Variants in MYO16 observed in about 807,000 individuals in gnomAD.
The protein encoded by MYO16 is myosin XVI.
Under a neutral mutation model 205.3 loss-of-function variants are expected in MYO16, and 94 were observed. The observed-to-expected ratio is 0.46, with a 90% CI of 0.39 to 0.54. The LOEUF (loss-of-function observed/expected upper bound fraction) is 0.54, where lower values mean the gene tolerates loss of function less well. Among genes scored for constraint, MYO16 ranks in the 20% least tolerant of loss-of-function variants. The pLI is 0.00. For missense variants in MYO16, 2,315 were observed against 2,387.5 expected (o/e 0.97, Z 0.63); for synonymous variants, 988 against 954.0 (o/e 1.04, Z -0.66).
intron 8 of MYO16, among the ~76,000 whole-genome samples, chr13:108,821,046 AT>A (rs1190902874): frequency 6.6e-6 from 1 of 151,764 alleles, no homozygotes; most frequent in Non-Finnish European, 1.5e-5. Context: ...ATTCATAATT[AT>A]TTTTGCAATA....
intron 27 of MYO16, among the ~76,000 whole-genome samples, chr13:109,069,591 G>T (rs2391732): frequency 1 from 151,958 of 152,080 alleles, 75,918 homozygotes; most frequent in Middle Eastern, 1. Flanking sequence ...GTTGTAGAGG[G>T]GCTCTACACT....
Position 108,964,767 on chromosome 13 carries a change from T to G in MYO16, c.2234T>G (p.Met745Arg), listed in dbSNP as rs1485963784. Residue 745 changes from methionine (M) to arginine (R), a missense_variant, in exon 20 of 35, where the codon ATG becomes AGG. Coordinates refer to ENST00000457511, the MANE Select transcript of MYO16 (RefSeq NM_001198950.3). ...TTTCTTTCTACCATTTTAGGGGATA[T>G]GATAATACGACGACATACCATACAG... ...TTDIQYFKGD[M>R]IIRRHTIQIA... 1 of 1,614,044 alleles carries G rather than the reference T, an allele frequency of 6.2e-7. No homozygotes were observed. The highest frequency in any genetic ancestry group is 8.5e-7 in the Non-Finnish European group (1 of 1,179,954).
chr13:108,783,941 G>T (rs9521049), intron 4 of MYO16, among the ~76,000 whole-genome samples: 20 of 151,998 alleles, frequency 1.3e-4, no homozygotes, highest in Non-Finnish European at 2.6e-4. Context: ...CCAATACAGC[G>T]CCTGTACAGT....
In MYO16 at chr13:108,712,898, G is replaced by A; in HGVS notation, c.363+167G>A. The stretch of plus-strand genomic sequence containing the variant: ...TAAGCTGCAATTATTATTAATTACT[G>A]TATTGAAGTTTGTAAATAATCTAGA... On this transcript the variant is annotated intron_variant, in intron 3 of 34. Transcript: ENST00000457511. Among the ~76,000 whole-genome samples the A allele has an allele frequency of 2.6e-5, 4 of 152,262 alleles. No homozygotes were observed. In the South Asian group the frequency reaches 8.3e-4, roughly 32 times the overall value.
At chr13:109,018,609 C>A (rs1023346994) in intron 22 of MYO16, among the ~76,000 whole-genome samples, 1 of 152,212 alleles carries the variant, frequency 6.6e-6, no homozygotes, top group Non-Finnish European at 1.5e-5. Context: ...GCTCTGTAGG[C>A]ATTGGATCCG....
chr13:108,828,671 A>T (rs1168624800), intron 9 of MYO16, among the ~76,000 whole-genome samples: 1 of 152,158 alleles, frequency 6.6e-6, no homozygotes, highest in African/African-American at 2.4e-5. Context: ...AAGACCAACC[A>T]TGTGATTAAA....
chr13:108,553,573 C>A, the MYO16 span, among the ~76,000 whole-genome samples: 1 of 152,144 alleles, frequency 6.6e-6, no homozygotes, highest in Non-Finnish European at 1.5e-5. Flanking sequence ...ACACTGGGAA[C>A]AGCTTTGAGT....
chr13:108,529,016 C>T, the MYO16 span, among the ~76,000 whole-genome samples: 6 of 152,010 alleles, frequency 3.9e-5, no homozygotes, highest in Non-Finnish European at 8.8e-5. Flanking sequence ...TCATCTCTCT[C>T]TTTACATTTC....
At position 108,727,578 on chromosome 13, in the gene MYO16, G is replaced by A. The variant is rs773259519; in HGVS notation, c.502G>A (p.Val168Ile). The change falls in exon 4 of 35, where the codon GTA (valine) becomes ATA (isoleucine). Residue 168 changes from valine (V) to isoleucine (I), a missense_variant. Coordinates refer to ENST00000457511, the MANE Select transcript of MYO16 (RefSeq NM_001198950.3). ...TAACCCTGATATTGTCCTGCTTCTT[G>A]TATTAGTAAGTAAAGCAATTCAGTT... ...CDNPDIVLLL[V>I]LAGANVLLQD... 1.2e-6 allele frequency: 2 copies of A among 1,609,458 alleles called. No individual in the cohort carries two copies. Among genetic ancestry groups the A allele is most frequent in the Admixed American group, 1.7e-5 (1 of 58,832 alleles).
At chr13:108,934,528 T>A (rs780333027) in intron 16 of MYO16, among the ~76,000 whole-genome samples, 3 of 152,204 alleles carry the variant, frequency 2.0e-5, no homozygotes, top group Non-Finnish European at 4.4e-5. Context: ...GTAAATATAT[T>A]CTTCCATTCT....
intron 20 of MYO16, among the ~76,000 whole-genome samples, chr13:108,982,230 C>A (rs1411729357): frequency 6.6e-6 from 1 of 152,204 alleles, no homozygotes; most frequent in Non-Finnish European, 1.5e-5. Context: ...GTAGATTATA[C>A]CTGCTCTTGC....
chr13:108,961,905 CTTG>C (rs769791517), intron 18 of MYO16, among the ~76,000 whole-genome samples: 38 of 152,294 alleles, frequency 2.5e-4, no homozygotes, highest in Admixed American at 7.2e-4. Context: ...TTAGCACATA[CTTG>C]TTGTTTATTT....
At chr13:109,117,390 G>A (rs1359214296) in intron 28 of MYO16, among the ~76,000 whole-genome samples, 1 of 146,482 alleles carries the variant, frequency 6.8e-6, no homozygotes, top group Middle Eastern at 3.3e-3. Flanking sequence ...ATATGCGTGT[G>A]TATATATGTA....
At chr13:109,101,998 A>G (rs1888982359) in intron 28 of MYO16, 1 of 152,240 alleles carries the variant, frequency 6.6e-6, no homozygotes, top group Non-Finnish European at 1.5e-5. Flanking sequence ...TCATCTGTCT[A>G]TGACAAAGAA....
chr13:109,173,005 T>C (rs1339833222), intron 33 of MYO16, among the ~76,000 whole-genome samples: 1 of 152,234 alleles, frequency 6.6e-6, no homozygotes, highest in Non-Finnish European at 1.5e-5. Context: ...CATTACAATT[T>C]GGAATCTCTG....
the MYO16 span, among the ~76,000 whole-genome samples, chr13:108,543,674 C>T: frequency 6.7e-6 from 1 of 149,124 alleles, no homozygotes; most frequent in East Asian, 1.9e-4. Context: ...GAAAAAAATC[C>T]CAGAATATTT....
intron 16 of MYO16, among the ~76,000 whole-genome samples, chr13:108,938,401 G>T (rs1882581584): frequency 6.6e-6 from 1 of 152,226 alleles, no homozygotes; most frequent in African/African-American, 2.4e-5. Context: ...TGGGGGTCAG[G>T]AGCCAGGAAG....
chr13:108,600,368 A>C (rs1878718926), intron 1 of MYO16, among the ~76,000 whole-genome samples: 1 of 152,184 alleles, frequency 6.6e-6, no homozygotes, highest in Non-Finnish European at 1.5e-5. Flanking sequence ...CCTACTACAT[A>C]GAGCTGTGAG....
At chr13:109,174,975 C>T (rs1594159462) in intron 33 of MYO16, among the ~76,000 whole-genome samples, 1 of 151,722 alleles carries the variant, frequency 6.6e-6, no homozygotes, top group Middle Eastern at 3.4e-3. Context: ...TGGTCTTGAT[C>T]TGCTGACCTC....
Sources: gnomAD v4.1 joint callset for allele counts (sites outside exome capture counted in the v4.1 genomes callset) on GRCh38, gnomAD v4.1.1 for gene constraint, MANE v1.5 for transcripts, NCBI Gene and HGNC (gene_info 2026-07-23, HGNC 2026-07-21) for gene names.